PLXNB3: variants seen among roughly 807,000 people sequenced by gnomAD.
The protein encoded by PLXNB3 is plexin-B3.
PLXNB3 carries 80 observed loss-of-function variants against 125.7 expected under a neutral mutation model. The ratio of observed to expected loss-of-function variants is 0.64; its 90% CI spans 0.53 to 0.77. The LOEUF is 0.77. Ranked by LOEUF, PLXNB3 falls within the 30% of genes least tolerant of loss-of-function variation. PLXNB3 has a pLI of 0.00. For missense variants in PLXNB3, 1,836 were observed against 1,729.3 expected, an observed-to-expected ratio of 1.06 and a Z score of -1.09; for synonymous variants, 954 against 783.3, an observed-to-expected ratio of 1.22 and a Z score of -3.64.
Position 153,771,508 on chromosome X carries a change from G to C in PLXNB3, c.2370G>C (p.Met790Ile), listed in dbSNP as rs781871704. Residue 790 changes from methionine to isoleucine, a missense_variant, in exon 14 of 36, where the codon ATG becomes ATC. Met to Ile is a conservative substitution (Grantham distance 10). Coordinates refer to ENST00000361971, the MANE Select transcript of PLXNB3 (RefSeq NM_005393.3). ...ALYVILYDCA[M>I]GHPDCSHCQA... ...TAGTGATCCTGTACGACTGCGCCATGGGCCACCCGGACTGCAGCCACTGCC... is the reference window on the plus strand; with the variant it reads ...TAGTGATCCTGTACGACTGCGCCATCGGCCACCCGGACTGCAGCCACTGCC... 6.5e-5 allele frequency: 78 copies of C among 1,204,422 alleles called. 1 individual carries two copies. The highest frequency in any genetic ancestry group is 5.2e-4 in the South Asian group (29 of 56,008).
In PLXNB3 at chrX:153,768,332, G is replaced by A; in HGVS notation, c.1170G>A (p.Leu390=). 8.3e-7 allele frequency: 1 copy of A among 1,210,708 alleles called. No individual in the cohort carries two copies. The highest frequency in any genetic ancestry group is 2.2e-5 in the Admixed American group (1 of 46,137). The change falls in exon 4 of 36, where the codon CTG becomes CTA. Residue 390 remains leucine, a synonymous_variant. Coordinates refer to ENST00000361971, the MANE Select transcript of PLXNB3 (RefSeq NM_005393.3). ...GCCAGCCCCTGGAGGTCCAGCCTCT[G>A]CTGAAGCTCGGGCAGCCGGTCAGCG... ...AGRQPLEVQP[L]LKLGQPVSAV...
chrX:153,767,112 C>T lies in PLXNB3; in HGVS notation c.285C>T (p.Ser95=). ...AVAVTGPVID[S]PDCVPFRDPA... ...CTGTCACTGGCCCTGTAATCGACAG[C>T]CCTGACTGCGTGCCCTTCCGTGACC... Residue 95 remains serine, a synonymous_variant, in exon 3 of 36, where the codon AGC becomes AGT. Transcript: ENST00000361971. 2 of 1,210,146 alleles carry T rather than the reference C, an allele frequency of 1.7e-6. No homozygotes were observed. Among genetic ancestry groups the T allele is most frequent in the Non-Finnish European group, 2.2e-6 (2 of 895,023 alleles).
rs927780678 is a variant in PLXNB3 at position 153,777,137 on chromosome X, G to A, written c.4928-71G>A. ...GTCCCCACACTGCCCCACCTTGTCG[G>A]GGGAGTGGACTGGGCATCCCAGGCC... is the stretch of plus-strand genomic sequence containing the variant. On this transcript the variant is annotated intron_variant, in intron 29 of 35. Transcript: ENST00000361971. 4.3e-5 allele frequency: 47 copies of A among 1,080,945 alleles called. No individual in the cohort carries two copies. The Middle Eastern group carries it at 1.0e-3, about 23-fold the overall frequency. The allele number at this position is 1,080,945 out of a possible 1,213,427, so 89.1% of individuals were successfully genotyped here.
chrX:153,771,987 G>A lies in PLXNB3; in HGVS notation c.2641G>A (p.Glu881Lys). 2 of 1,204,513 alleles carry A rather than the reference G, an allele frequency of 1.7e-6. No homozygotes were observed. Among genetic ancestry groups the A allele is most frequent in the Non-Finnish European group, 2.2e-6 (2 of 891,895 alleles). The part of the protein sequence containing the change: ...VSVASRPCNP[E>K]PSLYRTSARI... Reference sequence around the variant, plus strand: ...CGTGGCCAGCCGGCCCTGCAACCCTGAGCCCTCTCTCTACCGCACGTCGGC... The same window carrying A: ...CGTGGCCAGCCGGCCCTGCAACCCTAAGCCCTCTCTCTACCGCACGTCGGC... The change falls in exon 15 of 36, where the codon GAG becomes AAG. Residue 881 changes from glutamate (E) to lysine (K), a missense_variant. Transcript: ENST00000361971.
chrX:153,769,739 G>C lies in PLXNB3; in HGVS notation c.1497-68G>C, dbSNP rs374147694. 1.0e-3 allele frequency: 1,141 copies of C among 1,106,623 alleles called. 5 individuals are homozygous for C. The African/African-American group carries it at 0.017, about 17-fold the overall frequency. The allele number at this position is 1,106,623 out of a possible 1,213,427, so 91.2% of individuals were successfully genotyped here. On this transcript the variant is annotated intron_variant, in intron 6 of 35. Transcript: ENST00000361971. ...ACTCCAGCTGGGCCGGCCTCCCCAG[G>C]CCCCTGTTGCCGGTCATCCTTGGAG...
Position 153,767,643 on chromosome X carries a change from C to CCTGT in PLXNB3, c.817_820dup (p.Tyr274SerfsTer91). 1.7e-6 allele frequency: 2 copies of CCTGT among 1,197,591 alleles called. No individual in the cohort carries two copies. Among genetic ancestry groups the CCTGT allele is most frequent in the Non-Finnish European group, 2.3e-6 (2 of 888,522 alleles). On this transcript the variant is annotated frameshift_variant, in exon 3 of 36. Coordinates refer to ENST00000361971, the MANE Select transcript of PLXNB3 (RefSeq NM_005393.3). LOFTEE classifies it high-confidence loss of function. ...CCCGCGTCTGCCTGGGGGACACCAA[C>CCTGT]CTGTACTCCTACGTGGAGGTCCCCC...
intron 16 of PLXNB3, chrX:153,772,623 G>A (rs1557062383): frequency 1.1e-6 from 1 of 873,323 alleles, no homozygotes; most frequent in Non-Finnish European, 1.5e-6. Flanking sequence ...AAGCTGTGGT[G>A]GGGAGGAGGC....
rs1358132238 is a variant in PLXNB3 at position 153,767,910 on chromosome X, C to T, written c.1083C>T (p.Pro361=). 2.8e-6 allele frequency: 3 copies of T among 1,089,498 alleles called. No homozygotes were observed. The African/African-American group carries it at 5.6e-5, about 20-fold the overall frequency. 89.8% of individuals were successfully genotyped at this position (1,089,498 alleles called of 1,213,427 possible). The change falls in exon 3 of 36, where the codon CCC becomes CCT. Residue 361 remains proline, a synonymous_variant. Transcript: ENST00000361971. The part of the protein sequence containing the change: ...YGVTSRCVTL[P]LDSPESYPCG... The stretch of plus-strand genomic sequence containing the variant: ...TCACGTCGCGCTGCGTCACCCTGCC[C>T]CTTGTGAGTGGCATGCCCTTCCATC...
At chrX:153,770,050 C>G (rs913824110) in intron 7 of PLXNB3, 42 bp from the exon 8 acceptor site, 1 of 1,203,413 alleles carries the variant, frequency 8.3e-7, no homozygotes, top group African/African-American at 1.7e-5. Flanking sequence ...GCTGCCCCCT[C>G]TCTCTGGCTA....
At chrX:153,765,898 C>T in intron 2 of PLXNB3, 2 of 754,301 alleles carry the variant, frequency 2.7e-6, no homozygotes, top group South Asian at 6.7e-5. Context: ...CTGCTCCCAC[C>T]TCTCACCCTC....
At chrX:153,778,538 G>GA (rs2092021700) in intron 34 of PLXNB3, 62 bp from the exon 35 acceptor site, 2 of 1,178,341 alleles carry the variant, frequency 1.7e-6, no homozygotes, top group African/African-American at 1.7e-5. Context: ...GCAGAGGGGG[G>GA]AGACTTGGGG....
Position 153,770,318 on chromosome X carries a change from C to T in PLXNB3, c.1787-20C>T, listed in dbSNP as rs201661754. The T allele has an allele frequency of 2.3e-4, 274 of 1,197,925 alleles. 1 individual carries two copies. The African/African-American group carries it at 4.3e-3, about 19-fold the overall frequency. The stretch of plus-strand genomic sequence containing the variant: ...GTAATGAGCCACCTGACCTGTCCTG[C>T]CCCCACTGTCCCCTCCCAGACCACG... On this transcript the variant is annotated intron_variant, in intron 8 of 35. Transcript: ENST00000361971.
chrX:153,773,119 C>CAGTGA, intron 17 of PLXNB3, 103 bp downstream of exon 17: 1 of 1,080,942 alleles, frequency 9.3e-7, no homozygotes, highest in East Asian at 3.1e-5. Flanking sequence ...CCCAGTGGTC[C>CAGTGA]CTGCCCTTGT....
At chrX:153,771,457 C>T (rs782199118) in intron 13 of PLXNB3, 29 bp from the exon 14 acceptor site, 8 of 1,206,705 alleles carry the variant, frequency 6.6e-6, no homozygotes, top group East Asian at 3.0e-5. Flanking sequence ...AGACAGGAGG[C>T]GCTCAGCACA....
Position 153,775,344 on chromosome X carries a change from C to A in PLXNB3, c.4275C>A (p.Thr1425=). Reference sequence around the variant, plus strand: ...AGTACCTGACGGACATCATGAGGACCCTGCTGGGTGACCTGGCGGCCCATT... The same window carrying A: ...AGTACCTGACGGACATCATGAGGACACTGCTGGGTGACCTGGCGGCCCATT... The part of the protein sequence containing the change: ...KLEYLTDIMR[T]LLGDLAAHYV... Residue 1425 remains threonine (T), a synonymous_variant, in exon 25 of 36, where the codon ACC becomes ACA. Transcript: ENST00000361971. 2.5e-6 allele frequency: 3 copies of A among 1,210,443 alleles called. No homozygotes were observed. The highest frequency in any genetic ancestry group is 3.5e-5 in the South Asian group (2 of 56,867).
chrX:153,765,647 T>C, intron 2 of PLXNB3, 67 bp downstream of exon 2: 1 of 1,167,293 alleles, frequency 8.6e-7, no homozygotes, highest in South Asian at 1.9e-5. Flanking sequence ...AGGATGGCTG[T>C]GGCCAGGCCC....
intron 7 of PLXNB3, 24 bp from the exon 8 acceptor site, chrX:153,770,068 C>A (rs370818700): frequency 8.3e-7 from 1 of 1,207,278 alleles, no homozygotes; most frequent in Non-Finnish European, 1.1e-6. Flanking sequence ...CTACATCTCC[C>A]GGTTTCTCCC....
At position 153,770,957 on chromosome X, in the gene PLXNB3, T is replaced by C; in HGVS notation, c.2137-8T>C. The C allele has an allele frequency of 8.3e-7, 1 of 1,209,443 alleles. No homozygotes were observed. The highest frequency in any genetic ancestry group is 1.1e-6 in the Non-Finnish European group (1 of 894,314). ...CGTGTCCACACTCCTGACAGCGTCCTTCCCCAGGGCCTGCCTGCCTCCTTC... is the reference window on the plus strand; with the variant it reads ...CGTGTCCACACTCCTGACAGCGTCCCTCCCCAGGGCCTGCCTGCCTCCTTC... On this transcript the variant is annotated splice_region_variant and splice_polypyrimidine_tract_variant and intron_variant, in intron 11 of 35. Coordinates refer to ENST00000361971, the MANE Select transcript of PLXNB3 (RefSeq NM_005393.3).
In PLXNB3 at chrX:153,774,213, AAGG is replaced by A. The variant is rs1557063104; in HGVS notation, c.3554_3556del (p.Glu1185del). On this transcript the variant is annotated inframe_deletion, in exon 21 of 36. Coordinates refer to ENST00000361971, the MANE Select transcript of PLXNB3 (RefSeq NM_005393.3). The stretch of plus-strand genomic sequence containing the variant: ...CGAGGGCCTCAACCTGGGCATCAGC[AAGG>A]AGGAGGTGCGCGTGCACATCGGCCG... 8.3e-7 allele frequency: 1 copy of A among 1,202,475 alleles called. No individual in the cohort carries two copies. Among genetic ancestry groups the A allele is most frequent in the African/African-American group, 1.7e-5 (1 of 57,649 alleles).
Sources: allele counts gnomAD v4.1 joint callset, GRCh38; gene constraint gnomAD v4.1.1; transcripts MANE v1.5; gene names NCBI Gene and HGNC (gene_info 2026-07-23, HGNC 2026-07-21).